TLL1: variants seen among roughly 807,000 people sequenced by gnomAD.
The protein encoded by TLL1 is tolloid-like protein 1.
A neutral mutation model predicts 128.2 loss-of-function variants in TLL1; 49 were observed. That is an observed-to-expected ratio of 0.38 (90% CI 0.30 to 0.48). The LOEUF (loss-of-function observed/expected upper bound fraction) is 0.48. TLL1 is among the 20% of genes least tolerant of loss of function. The pLI is 0.96. For missense variants in TLL1, 1,123 were observed against 1,242.0 expected, an observed-to-expected ratio of 0.90 and a Z score of 1.44; for synonymous variants, 454 against 418.8, an observed-to-expected ratio of 1.08 and a Z score of -1.03.
intron 1 of TLL1, among the ~76,000 whole-genome samples, chr4:165,969,153 C>T (rs749724408): frequency 4.6e-5 from 7 of 152,010 alleles, no homozygotes; most frequent in East Asian, 1.9e-4. Context: ...AACCGTGGGA[C>T]GTTTTTCTTT....
In TLL1 at chr4:165,925,425, G is replaced by A. The variant is rs1013601473; in HGVS notation, c.169+51352G>A. ...TGGAGGAAGTAATTGCAGATGTGATGGAAATAGTTAGAGAACTAGAATTAG... is the reference window on the plus strand; with the variant it reads ...TGGAGGAAGTAATTGCAGATGTGATAGAAATAGTTAGAGAACTAGAATTAG... On this transcript the variant is annotated intron_variant, in intron 1 of 20. Transcript: ENST00000061240. Among the ~76,000 whole-genome samples, 3 of 152,146 alleles carry A rather than the reference G, an allele frequency of 2.0e-5. No individual in the cohort carries two copies. The East Asian group carries it at 5.8e-4, about 29-fold the overall frequency.
chr4:165,883,323 G>A (rs1446555538), intron 1 of TLL1, among the ~76,000 whole-genome samples: 1 of 151,872 alleles, frequency 6.6e-6, no homozygotes, highest in Non-Finnish European at 1.5e-5. Flanking sequence ...TTTTTATGTG[G>A]GTACTTTTTT....
At chr4:166,081,830 AG>A (rs1741296383) in intron 18 of TLL1, among the ~76,000 whole-genome samples, 1 of 152,060 alleles carries the variant, frequency 6.6e-6, no homozygotes, top group Non-Finnish European at 1.5e-5. Flanking sequence ...TCCAAGGGGA[AG>A]TAGAACTCCT....
At chr4:165,991,197 T>C (rs1007639992) in intron 2 of TLL1, among the ~76,000 whole-genome samples, 1 of 152,036 alleles carries the variant, frequency 6.6e-6, no homozygotes, top group East Asian at 1.9e-4. Flanking sequence ...ATTTTATTTA[T>C]TGTTAAACTC....
intron 1 of TLL1, among the ~76,000 whole-genome samples, chr4:165,881,953 C>G (rs941225330): frequency 1.3e-5 from 2 of 152,080 alleles, no homozygotes; most frequent in African/African-American, 4.8e-5. Context: ...TCATTGAATT[C>G]ATGATTATGA....
chr4:166,037,181 T>C (rs1395758229), intron 9 of TLL1, among the ~76,000 whole-genome samples: 1 of 152,166 alleles, frequency 6.6e-6, no homozygotes, highest in African/African-American at 2.4e-5. Flanking sequence ...ATTCTCCATG[T>C]GGAGCAGACT....
chr4:166,059,221 A>G (rs1398970950), intron 14 of TLL1, among the ~76,000 whole-genome samples: 1 of 151,924 alleles, frequency 6.6e-6, no homozygotes, highest in African/African-American at 2.4e-5. Context: ...ACACACACAC[A>G]CACATACACG....
In TLL1 at chr4:166,099,285, G is replaced by C. The variant is rs376169735; in HGVS notation, c.2665G>C (p.Gly889Arg). ...FQATHSTECG[G>R]RLKAESKPRD... ...TTTTCTTTCCTGGGCAGAGTGTGGC[G>C]GACGATTGAAAGCAGAATCAAAACC... is the stretch of plus-strand genomic sequence containing the variant. The change falls in exon 20 of 21, where the codon GGA becomes CGA. Residue 889 changes from glycine (G) to arginine (R), a missense_variant. Physicochemically the swap from Gly to Arg is moderately radical, Grantham distance 125. This residue lies in a region of TLL1 where 634 missense variants were observed against 672.4 expected (regional missense o/e 0.94). Coordinates refer to ENST00000061240, the MANE Select transcript of TLL1 (RefSeq NM_012464.5). 2.5e-6 allele frequency: 4 copies of C among 1,613,452 alleles called. No individual in the cohort carries two copies. Among genetic ancestry groups the C allele is most frequent in the Non-Finnish European group, 2.5e-6 (3 of 1,179,602 alleles).
At chr4:165,911,441 T>C (rs1325294639) in intron 1 of TLL1, among the ~76,000 whole-genome samples, 2 of 152,202 alleles carry the variant, frequency 1.3e-5, no homozygotes, top group Non-Finnish European at 2.9e-5. Flanking sequence ...CATTCATGCA[T>C]TAAGGAACAC....
chr4:165,877,513 T>C (rs1182351465), intron 1 of TLL1, among the ~76,000 whole-genome samples: 1 of 152,218 alleles, frequency 6.6e-6, no homozygotes, highest in Admixed American at 6.5e-5. Context: ...AAGAGCTCAT[T>C]CCAGAGCAGA....
At chr4:165,978,625 TG>T (rs1214978342) in intron 1 of TLL1, among the ~76,000 whole-genome samples, 2 of 152,230 alleles carry the variant, frequency 1.3e-5, no homozygotes, top group East Asian at 3.9e-4. Flanking sequence ...TGCTGTTTTT[TG>T]TTTTTGTTTG....
chr4:165,924,315 C>T (rs187373118), intron 1 of TLL1, among the ~76,000 whole-genome samples: 122 of 152,256 alleles, frequency 8.0e-4, no homozygotes, highest in Non-Finnish European at 1.0e-3. Context: ...AGGAAAAGTG[C>T]TTGAAGGACA....
intron 1 of TLL1, among the ~76,000 whole-genome samples, chr4:165,922,835 G>C (rs1733094056): frequency 6.6e-6 from 1 of 152,132 alleles, no homozygotes; most frequent in Non-Finnish European, 1.5e-5. Context: ...TATTTAGATA[G>C]AGCCTAATCT....
At chr4:165,879,745 G>T (rs1254776296) in intron 1 of TLL1, among the ~76,000 whole-genome samples, 1 of 151,728 alleles carries the variant, frequency 6.6e-6, no homozygotes, top group Admixed American at 6.6e-5. Flanking sequence ...AGTGGTGGGG[G>T]TGGGTGAGCC....
rs193210636 is a variant in TLL1, at chr4:165,985,796, G to A, written c.170-3585G>A. On this transcript the variant is annotated intron_variant, in intron 1 of 20. Coordinates refer to ENST00000061240, the MANE Select transcript of TLL1 (RefSeq NM_012464.5). ...TGTTTTAGTCTCTGATTAAAAAAAT[G>A]TTTGTTGTGCATTAACGGCAAATAA... Among the ~76,000 whole-genome samples, 403 of 152,064 alleles carry A rather than the reference G, an allele frequency of 2.7e-3. 2 individuals are homozygous for A. Among genetic ancestry groups the A allele is most frequent in the African/African-American group, 9.1e-3 (378 of 41,528 alleles).
At chr4:165,881,553 G>A (rs185338400) in intron 1 of TLL1, among the ~76,000 whole-genome samples, 96 of 152,208 alleles carry the variant, frequency 6.3e-4, no homozygotes, top group East Asian at 3.0e-3. Context: ...GTGTTCTTGC[G>A]TTTTTATAAG....
At chr4:165,922,801 A>G (rs948951051) in intron 1 of TLL1, among the ~76,000 whole-genome samples, 7 of 152,314 alleles carry the variant, frequency 4.6e-5, no homozygotes, top group African/African-American at 1.4e-4. Context: ...TATGTATGTA[A>G]ACACTGGAAA....
chr4:165,972,005 C>T (rs538679182), intron 1 of TLL1, among the ~76,000 whole-genome samples: 2 of 152,244 alleles, frequency 1.3e-5, no homozygotes, highest in South Asian at 4.1e-4. Context: ...GTAGAACCAT[C>T]AGGATAATTG....
chr4:166,085,210 T>C (rs886799057), intron 18 of TLL1, among the ~76,000 whole-genome samples: 8 of 151,484 alleles, frequency 5.3e-5, no homozygotes, highest in African/African-American at 1.9e-4. Context: ...CCGCATGAGA[T>C]TGTGTCTTCT....
Sources: allele counts gnomAD v4.1 joint callset (sites outside exome capture counted in the v4.1 genomes callset), GRCh38; gene constraint gnomAD v4.1.1; regional missense constraint gnomAD v4.1.1; transcripts MANE v1.5; gene names NCBI Gene and HGNC (gene_info 2026-07-23, HGNC 2026-07-21).